Variants in PRH1 observed in about 807,000 individuals in gnomAD.
PRH1 encodes the protein proline rich protein HaeIII subfamily 1, also known as salivary acidic proline-rich phosphoprotein 1/2.
In PRH1, 7 loss-of-function variants were observed where a neutral mutation model predicts 7.9. The ratio of observed to expected loss-of-function variants is 0.89; its 90% CI spans 0.50 to 1.67. The LOEUF is 1.67. Ranked by LOEUF, PRH1 falls within the 40% of genes most tolerant of loss-of-function variation. PRH1 has a pLI of 0.00. For missense variants in PRH1, 109 were observed against 223.6 expected (o/e 0.49, Z 3.27); for synonymous variants, 45 against 80.8 (o/e 0.56, Z 2.38).
chr12:11,021,905 C>T, intron 1 of PRH1: 1 of 1,614,174 alleles, frequency 6.2e-7, no homozygotes. Context: ...TTTATATGGA[C>T]CTTGGTGCTG....
chr12:10,967,694 T>C (rs1483014917), intron 2 of PRH1, among the ~76,000 whole-genome samples: 4 of 151,982 alleles, frequency 2.6e-5, no homozygotes, highest in Admixed American at 6.6e-5. Flanking sequence ...AAACTCTCCT[T>C]ACAGGGAAAT....
intron 1 of PRH1, among the ~76,000 whole-genome samples, chr12:11,043,909 A>G (rs531514321): frequency 6.6e-6 from 1 of 152,334 alleles, no homozygotes; most frequent in East Asian, 1.9e-4. Flanking sequence ...TCAAAATACT[A>G]AAAACATTCT....
intron 1 of PRH1, among the ~76,000 whole-genome samples, chr12:11,052,642 T>C (rs1056470898): frequency 6.7e-6 from 1 of 149,020 alleles, no homozygotes; most frequent in African/African-American, 2.4e-5. Context: ...GTTTTGATGA[T>C]AGCATCAGTG....
At chr12:10,951,553 G>C (rs1937671665) in intron 2 of PRH1, among the ~76,000 whole-genome samples, 1 of 152,076 alleles carries the variant, frequency 6.6e-6, no homozygotes, top group Non-Finnish European at 1.5e-5. Context: ...ATAAATTTTA[G>C]GGATGTCACA....
chr12:10,910,518 GTCTC>G (rs1949882340), intron 2 of PRH1, among the ~76,000 whole-genome samples: 1 of 152,026 alleles, frequency 6.6e-6, no homozygotes, highest in South Asian at 2.1e-4. Flanking sequence ...ATAGTGTGGT[GTCTC>G]TCACTCTCTC....
chr12:10,939,100 G>A (rs1344658488), intron 2 of PRH1: 1 of 1,613,766 alleles, frequency 6.2e-7, no homozygotes, highest in African/African-American at 1.3e-5. Context: ...TTCTTCCCTT[G>A]ACCCAGTCAA....
chr12:10,989,290 T>G (rs986436717), intron 1 of PRH1, among the ~76,000 whole-genome samples: 1 of 152,246 alleles, frequency 6.6e-6, no homozygotes, highest in African/African-American at 2.4e-5. Context: ...TGTGATTCAT[T>G]TCTTTTCACT....
chr12:10,939,838 C>T (rs1335199164), intron 2 of PRH1, among the ~76,000 whole-genome samples: 4 of 151,950 alleles, frequency 2.6e-5, no homozygotes, highest in Non-Finnish European at 5.9e-5. Flanking sequence ...GAAAAAGTAA[C>T]TTTCAAATAT....
In PRH1 at chr12:10,970,644, A is replaced by C. The variant is rs931407002; in HGVS notation, c.-59+3011T>G. Among the ~76,000 whole-genome samples, 8 of 151,706 alleles carry C rather than the reference A, an allele frequency of 5.3e-5. No individual in the cohort carries two copies. The South Asian group carries it at 1.7e-3, about 31-fold the overall frequency. On this transcript the variant is annotated intron_variant, in intron 2 of 3. Coordinates refer to the PRH1 transcript ENST00000539853. ...CAATGGCACAATCTCAGCCCACTAC[A>C]ACCTCCGCCTCCCAGGTTGAAGCGA... is the stretch of plus-strand genomic sequence containing the variant.
intron 1 of PRH1, among the ~76,000 whole-genome samples, chr12:11,160,834 G>A (rs570956434): frequency 5.3e-4 from 80 of 152,160 alleles, no homozygotes; most frequent in African/African-American, 1.9e-3. Context: ...CAGGTTTAAG[G>A]GCACTTTCAA....
rs1944076143 is a variant in PRH1, at chr12:11,071,679, G to C, written n.124-24491C>G. 2.6e-5 allele frequency among the ~76,000 whole-genome samples: 4 copies of C among 151,960 alleles called. No individual in the cohort carries two copies. In the South Asian group the frequency reaches 8.3e-4, roughly 31 times the overall value. On this transcript the variant is annotated intron_variant and non_coding_transcript_variant, in intron 1 of 4. Transcript: ENST00000541977. ...TTCTAAATAAATGCCAAGAAGGCCA[G>C]CAAGTTGGGGCGGCAGCTGACAGCA...
intron 2 of PRH1, among the ~76,000 whole-genome samples, chr12:10,970,895 T>C (rs1464345037): frequency 6.6e-6 from 1 of 152,236 alleles, no homozygotes; most frequent in East Asian, 1.9e-4. Flanking sequence ...TTATAACTAC[T>C]ATAATAGTCT....
At chr12:10,939,226 C>G in intron 2 of PRH1, 1 of 1,413,936 alleles carries the variant, frequency 7.1e-7, no homozygotes, top group East Asian at 2.3e-5. Flanking sequence ...AGAGCATGCC[C>G]CAATGTCTAA....
At chr12:10,942,931 C>T (rs78352277) in intron 2 of PRH1, among the ~76,000 whole-genome samples, 3,011 of 152,252 alleles carry the variant, frequency 0.02, 35 homozygotes, top group South Asian at 0.031. Flanking sequence ...TAACTCAGCT[C>T]CAGGTAAGGT....
rs544238877 is a variant in PRH1, at chr12:11,167,190, A to C, written n.39+4232T>G. On this transcript the variant is annotated intron_variant and non_coding_transcript_variant, in intron 1 of 1. Coordinates refer to the PRH1 transcript ENST00000541175. The stretch of plus-strand genomic sequence containing the variant: ...CCGTGTACCATAAAGGAACTTTCCT[A>C]GGTTTCCTGTCTGTCCTCAACCTTT... 5.9e-5 allele frequency among the ~76,000 whole-genome samples: 9 copies of C among 152,330 alleles called. No individual in the cohort carries two copies. In the South Asian group the frequency reaches 1.9e-3, roughly 32 times the overall value.
intron 1 of PRH1, chr12:11,021,711 T>C (rs748879465): frequency 6.2e-7 from 1 of 1,613,856 alleles, no homozygotes; most frequent in Non-Finnish European, 8.5e-7. Context: ...GAAAGGTCTG[T>C]TTTAGCTTCC....
chr12:10,944,072 G>C (rs764116258), intron 2 of PRH1, among the ~76,000 whole-genome samples: 5 of 151,882 alleles, frequency 3.3e-5, no homozygotes, highest in Non-Finnish European at 5.9e-5. Flanking sequence ...GCTCTTTTTT[G>C]GTTCCATATA....
chr12:11,129,881 T>C (rs896155339), intron 1 of PRH1, among the ~76,000 whole-genome samples: 3 of 152,286 alleles, frequency 2.0e-5, no homozygotes, highest in African/African-American at 4.8e-5. Flanking sequence ...CCGGGCCCTG[T>C]GGCATATGAC....
downstream of PRH1, among the ~76,000 whole-genome samples, chr12:11,116,652 G>A (rs1945739274): frequency 1.3e-5 from 2 of 152,016 alleles, no homozygotes; most frequent in Admixed American, 1.3e-4. Context: ...TATCTCTGAT[G>A]AATATTGATT....
Sources: allele counts gnomAD v4.1 joint callset (sites outside exome capture counted in the v4.1 genomes callset), GRCh38; gene constraint gnomAD v4.1.1; transcripts MANE v1.5; gene names NCBI Gene and HGNC (gene_info 2026-07-23, HGNC 2026-07-21).